ATXN1: variants seen among roughly 807,000 people sequenced by gnomAD.
ATXN1 encodes the protein ataxin-1.
Under a neutral mutation model 56.4 loss-of-function variants are expected in ATXN1, and 8 were observed. The ratio of observed to expected loss-of-function variants is 0.14; its 90% confidence interval spans 0.08 to 0.26. The LOEUF is 0.26. Ranked by LOEUF, ATXN1 falls within the 10% of genes least tolerant of loss-of-function variation. The probability of loss-of-function intolerance (pLI) is 1.00; values close to 1 mark genes in which losing one functional copy is unlikely to be tolerated. For missense variants in ATXN1, 987 were observed against 1,106.5 expected (o/e 0.89, Z 1.53); for synonymous variants, 514 against 494.6 (o/e 1.04, Z -0.52).
At chr6:16,318,291 G>A (rs536849291) in intron 7 of ATXN1, among the ~76,000 whole-genome samples, 15 of 152,202 alleles carry the variant, frequency 9.9e-5, no homozygotes, top group South Asian at 8.3e-4. Context: ...TACAAATTTC[G>A]CCTGTTGCTG....
intron 6 of ATXN1, among the ~76,000 whole-genome samples, chr6:16,470,735 G>A (rs1248916406): frequency 6.6e-6 from 1 of 152,158 alleles, no homozygotes; most frequent in Non-Finnish European, 1.5e-5. Context: ...GGCCATGCTT[G>A]TAATTTCAGC....
intron 2 of ATXN1, among the ~76,000 whole-genome samples, chr6:16,723,327 T>C (rs1319793604): frequency 6.6e-6 from 1 of 152,202 alleles, no homozygotes; most frequent in Non-Finnish European, 1.5e-5. Context: ...AATTTTTGTA[T>C]GATCCTTTAA....
rs557729697 is a variant in ATXN1 at position 16,314,950 on chromosome 6, C to T, written c.1918-8091G>A. ...AGGGTTCCTAATGATACATTTCAGG[C>T]TTTCCAGTTTTAATAAAAGTTCAAC... On this transcript the variant is annotated intron_variant, in intron 7 of 7. Transcript: ENST00000436367. Among the ~76,000 whole-genome samples the T allele has an allele frequency of 4.6e-5, 7 of 152,226 alleles. No homozygotes were observed. The East Asian group carries it at 1.4e-3, about 29-fold the overall frequency.
chr6:16,385,238 T>C (rs1281240344), intron 6 of ATXN1, among the ~76,000 whole-genome samples: 2 of 152,152 alleles, frequency 1.3e-5, no homozygotes, highest in Non-Finnish European at 2.9e-5. Context: ...CCAAGATATC[T>C]CTTGAAGGTA....
chr6:16,520,474 G>C (rs1761267406), intron 5 of ATXN1, among the ~76,000 whole-genome samples: 1 of 152,176 alleles, frequency 6.6e-6, no homozygotes, highest in Non-Finnish European at 1.5e-5. Flanking sequence ...GGTTCAGGCA[G>C]TCCTTCTTTC....
rs58374104 is a variant in ATXN1, at chr6:16,368,169, CA to C, written c.-160-39700del. 4.8e-3 allele frequency among the ~76,000 whole-genome samples: 633 copies of C among 131,630 alleles called. 3 individuals carry two copies. Among genetic ancestry groups the C allele is most frequent in the African/African-American group, 0.014 (520 of 35,874 alleles). 86.4% of individuals were successfully genotyped at this position (131,630 alleles called of 152,430 possible). A position where few individuals can be genotyped will look rare whatever the true frequency, so the allele number is the denominator to read the frequency against. ...TGGGAGACAGAGCAAGAATCTGTCT[CA>C]AAAAAAAAAAGAAAGAAAAGAAAAG... On this transcript the variant is annotated intron_variant, in intron 6 of 7. Transcript: ENST00000436367.
At chr6:16,694,351 T>G (rs540994652) in intron 2 of ATXN1, among the ~76,000 whole-genome samples, 9 of 151,810 alleles carry the variant, frequency 5.9e-5, no homozygotes, top group African/African-American at 2.2e-4. Context: ...GCCTCCTGGT[T>G]CTAGCAACTC....
At chr6:16,386,014 C>G (rs1758232843) in intron 6 of ATXN1, among the ~76,000 whole-genome samples, 1 of 152,168 alleles carries the variant, frequency 6.6e-6, no homozygotes, top group Admixed American at 6.6e-5. Context: ...GGCTATTAGT[C>G]TTCACGATAA....
At chr6:16,623,807 G>T (rs983397222) in intron 3 of ATXN1, among the ~76,000 whole-genome samples, 1 of 152,192 alleles carries the variant, frequency 6.6e-6, no homozygotes, top group East Asian at 1.9e-4. Context: ...AAACATATCC[G>T]ATGTGAATAG....
chr6:16,390,680 TCACACA>T (rs57705650), intron 6 of ATXN1, among the ~76,000 whole-genome samples: 6 of 147,264 alleles, frequency 4.1e-5, no homozygotes, highest in East Asian at 2.0e-4. Flanking sequence ...AATAAACACA[TCACACA>T]CACACACACA....
At chr6:16,455,964 G>A (rs1449855585) in intron 6 of ATXN1, among the ~76,000 whole-genome samples, 1 of 152,076 alleles carries the variant, frequency 6.6e-6, no homozygotes, top group Non-Finnish European at 1.5e-5. Context: ...CCAATCGCAG[G>A]GAGGATTGAA....
intron 4 of ATXN1, among the ~76,000 whole-genome samples, chr6:16,523,457 T>G (rs1761332939): frequency 6.6e-6 from 1 of 152,226 alleles, no homozygotes; most frequent in African/African-American, 2.4e-5. Context: ...CTCAAACTCC[T>G]GCCTTAGCCG....
At chr6:16,397,894 C>T (rs1758488206) in intron 6 of ATXN1, among the ~76,000 whole-genome samples, 1 of 152,174 alleles carries the variant, frequency 6.6e-6, no homozygotes, top group Admixed American at 6.5e-5. Flanking sequence ...GACGGATTAC[C>T]TCATTAACTC....
chr6:16,710,214 G>A (rs975431516), intron 2 of ATXN1, among the ~76,000 whole-genome samples: 6 of 152,104 alleles, frequency 3.9e-5, no homozygotes, highest in East Asian at 1.9e-4. Context: ...GTATTATATC[G>A]AAAAGCATAA....
intron 6 of ATXN1, among the ~76,000 whole-genome samples, chr6:16,334,575 G>T (rs1761072919): frequency 6.6e-6 from 1 of 152,070 alleles, no homozygotes; most frequent in South Asian, 2.1e-4. Context: ...AAATTAGCTA[G>T]GCATGGTGGT....
chr6:16,602,508 G>A lies in ATXN1; in HGVS notation c.-488-16601C>T, dbSNP rs1244129535. Among the ~76,000 whole-genome samples the A allele has an allele frequency of 2.0e-5, 3 of 150,730 alleles. No individual in the cohort carries two copies. The East Asian group carries it at 5.8e-4, about 29-fold the overall frequency. The stretch of plus-strand genomic sequence containing the variant: ...GCTCTGTGACCCAGGCTGGAGTGCA[G>A]TGGCATGATCTTGGCTCACTGCAAC... On this transcript the variant is annotated intron_variant, in intron 3 of 7. Coordinates refer to ENST00000436367, the MANE Select transcript of ATXN1 (RefSeq NM_001128164.2).
chr6:16,731,406 A>C (rs1759973025), intron 2 of ATXN1, among the ~76,000 whole-genome samples: 1 of 147,964 alleles, frequency 6.8e-6, no homozygotes, highest in South Asian at 2.2e-4. Context: ...AAAAATCACA[A>C]GCATGTGCAG....
intron 6 of ATXN1, among the ~76,000 whole-genome samples, chr6:16,345,404 G>A (rs1261241244): frequency 6.6e-6 from 1 of 152,090 alleles, no homozygotes; most frequent in Non-Finnish European, 1.5e-5. Context: ...GAAACACCTC[G>A]GTAGTCTCTG....
intron 4 of ATXN1, among the ~76,000 whole-genome samples, chr6:16,523,314 C>T (rs1244222300): frequency 2.0e-5 from 3 of 152,190 alleles, no homozygotes; most frequent in East Asian, 3.9e-4. Flanking sequence ...CACTTGCTCA[C>T]GTGCACATGG....
Sources: allele counts gnomAD v4.1 joint callset (sites outside exome capture counted in the v4.1 genomes callset), GRCh38; gene constraint gnomAD v4.1.1; transcripts MANE v1.5; gene names NCBI Gene and HGNC (gene_info 2026-07-23, HGNC 2026-07-21).